The following CAPN14 variants were observed in gnomAD, a reference collection of about 807,000 sequenced individuals.
CAPN14 encodes the protein calpain 14, also known as calpain-14.
In CAPN14, 94 loss-of-function variants were observed where a neutral mutation model predicts 101.3. The observed-to-expected ratio is 0.93, with a 90% CI of 0.79 to 1.10. The LOEUF (loss-of-function observed/expected upper bound fraction) is 1.10, where lower values mean the gene tolerates loss of function less well. Among genes scored for constraint, CAPN14 ranks in the 50% least tolerant of loss-of-function variants. The probability of loss-of-function intolerance (pLI) is 0.00; values close to 1 mark genes in which losing one functional copy is unlikely to be tolerated. For missense variants in CAPN14, 837 were observed against 828.4 expected, an observed-to-expected ratio of 1.01 and a Z score of -0.13; for synonymous variants, 338 against 317.9, an observed-to-expected ratio of 1.06 and a Z score of -0.67.
intron 1 of CAPN14, chr2:31,233,763 A>C (rs569659832): frequency 6.6e-6 from 1 of 152,258 alleles, no homozygotes; most frequent in Non-Finnish European, 1.5e-5. Flanking sequence ...ATGCCAAAAA[A>C]AAAAAAAATC....
At chr2:31,182,674 T>G (rs1395460462) in intron 16 of CAPN14, among the ~76,000 whole-genome samples, 5 of 140,360 alleles carry the variant, frequency 3.6e-5, no homozygotes, top group Admixed American at 2.9e-4. Flanking sequence ...CACTGCTCAA[T>G]GAAATAAAAG....
At chr2:31,186,139 G>C (rs983760874) in intron 16 of CAPN14, among the ~76,000 whole-genome samples, 1 of 152,216 alleles carries the variant, frequency 6.6e-6, no homozygotes, top group African/African-American at 2.4e-5. Context: ...TGCCAAGAAA[G>C]AGGTACTCAG....
chr2:31,189,941 T>G (rs190020957), intron 12 of CAPN14, among the ~76,000 whole-genome samples: 2 of 152,184 alleles, frequency 1.3e-5, no homozygotes, highest in East Asian at 3.9e-4. Flanking sequence ...GCATGACTTA[T>G]GGACACAGAT....
chr2:31,203,594 C>T (rs934779586), intron 2 of CAPN14, among the ~76,000 whole-genome samples: 3 of 152,060 alleles, frequency 2.0e-5, no homozygotes, highest in Non-Finnish European at 2.9e-5. Context: ...GTCTCTGCTC[C>T]GTGGCAAGAT....
At chr2:31,220,756 G>C (rs1260146969), upstream of CAPN14, among the ~76,000 whole-genome samples, 1 of 152,174 alleles carries the variant, frequency 6.6e-6, no homozygotes, top group Non-Finnish European at 1.5e-5. Context: ...TTGAACCAGG[G>C]AGGCAGAGGT....
chr2:31,199,462 C>T lies in CAPN14; in HGVS notation c.789+8G>A. The T allele has an allele frequency of 6.4e-7, 1 of 1,551,380 alleles. No individual in the cohort carries two copies. The highest frequency in any genetic ancestry group is 8.7e-7 in the Non-Finnish European group (1 of 1,146,788). On this transcript the variant is annotated splice_region_variant and intron_variant, in intron 7 of 21. Transcript: ENST00000403897. ...GAGAGGGAAACCGAAGGGCCAACCT[C>T]AACCCACCTTCCTGATTCCTGTGAG... is the stretch of plus-strand genomic sequence containing the variant.
intron 2 of CAPN14, among the ~76,000 whole-genome samples, chr2:31,224,624 G>T (rs528426478): frequency 4.0e-5 from 6 of 151,814 alleles, no homozygotes; most frequent in Non-Finnish European, 5.9e-5. Flanking sequence ...AAAAGCACTG[G>T]TTGATAATCT....
At position 31,201,894 on chromosome 2, in the gene CAPN14, G is replaced by A. The variant is rs1572419284; in HGVS notation, c.519C>T (p.Phe173=). The A allele has an allele frequency of 6.4e-7, 1 of 1,551,734 alleles. No homozygotes were observed. Among genetic ancestry groups the A allele is most frequent in the Non-Finnish European group, 8.7e-7 (1 of 1,147,010 alleles). The part of the protein sequence containing the change: ...VFVSSTYKNL[F]WGALLEKAYA... ...AGGCCTTTTCCAGAAGTGCTCCCCA[G>A]AACAAGTTCTTATAGGTGGAGGAGA... The change falls in exon 5 of 22, where the codon TTC becomes TTT. Residue 173 remains phenylalanine, a synonymous_variant. Transcript: ENST00000403897.
At chr2:31,213,568 G>C (rs1031255478) in intron 1 of CAPN14, among the ~76,000 whole-genome samples, 7 of 152,348 alleles carry the variant, frequency 4.6e-5, no homozygotes, top group Admixed American at 2.6e-4. Context: ...AGGCACAGGG[G>C]TAAGCTCCAA....
intron 1 of CAPN14, among the ~76,000 whole-genome samples, chr2:31,228,618 T>C (rs1005635517): frequency 6.6e-6 from 1 of 152,226 alleles, no homozygotes; most frequent in Admixed American, 6.5e-5. Flanking sequence ...ATACTAAGCT[T>C]ATTCAATAGT....
chr2:31,227,036 G>C (rs573705467), intron 1 of CAPN14, among the ~76,000 whole-genome samples: 1 of 152,110 alleles, frequency 6.6e-6, no homozygotes, highest in Non-Finnish European at 1.5e-5. Context: ...AGATGCCCAC[G>C]CTCTGGAAAC....
At chr2:31,191,218 A>G (rs1681160219) in intron 12 of CAPN14, among the ~76,000 whole-genome samples, 181 bp downstream of exon 12, 1 of 152,152 alleles carries the variant, frequency 6.6e-6, no homozygotes, top group African/African-American at 2.4e-5. Flanking sequence ...GATAAAAAAG[A>G]TTAACAGATG....
intron 12 of CAPN14, among the ~76,000 whole-genome samples, chr2:31,190,074 A>C (rs1681100950): frequency 6.6e-6 from 1 of 152,004 alleles, no homozygotes; most frequent in Non-Finnish European, 1.5e-5. Context: ...GCAAGAGCTC[A>C]GAAGACCAAA....
rs1206528913 is a variant in CAPN14 at position 31,177,100 on chromosome 2, C to A, written c.1898G>T (p.Arg633Leu). ...SDDVCQLMLI[R>L]YGGPRLQMDF... is the part of the protein sequence containing the mutation. ...CATCTGGAGGCGGGGGCCGCCGTAG[C>A]GGATGAGCATCAGCTGACAGACGTC... The change falls in exon 20 of 22, where the codon CGC becomes CTC. Residue 633 changes from arginine (R) to leucine (L), a missense_variant. Transcript: ENST00000403897. The A allele has an allele frequency of 1.5e-5, 24 of 1,551,176 alleles. No homozygotes were observed. Among genetic ancestry groups the A allele is most frequent in the Non-Finnish European group, 2.0e-5 (23 of 1,146,728 alleles).
Position 31,205,229 on chromosome 2 carries a change from C to A in CAPN14, c.219G>T (p.Arg73Ser), listed in dbSNP as rs1193912188. The A allele has an allele frequency of 6.5e-7, 1 of 1,549,508 alleles. No homozygotes were observed. Among genetic ancestry groups the A allele is most frequent in the South Asian group, 1.2e-5 (1 of 83,952 alleles). Residue 73 changes from arginine to serine, a missense_variant, in exon 2 of 22, where the codon AGG (arginine) becomes AGT (serine). Physicochemically the swap from Arg to Ser is moderately radical, Grantham distance 110. Coordinates refer to ENST00000403897, the MANE Select transcript of CAPN14 (RefSeq NM_001145122.2). ...QKLPPRLQWK[R>S]PPELHSNPQF... ...CTGACACATTTTGCCTCACCGGGGG[C>A]CTCTTCCACTGCAGGCGGGGTGGCA...
intron 1 of CAPN14, among the ~76,000 whole-genome samples, chr2:31,229,739 T>C (rs1683133082): frequency 2.0e-5 from 3 of 150,088 alleles, no homozygotes; most frequent in Non-Finnish European, 3.0e-5. Flanking sequence ...ATATAGTATA[T>C]AGCTGAAGCT....
intron 9 of CAPN14, 132 bp downstream of exon 9, chr2:31,194,277 T>C: frequency 1.5e-6 from 1 of 670,532 alleles, no homozygotes; most frequent in South Asian, 1.7e-5. Flanking sequence ...GACCGTGAGC[T>C]CCTAAAGGGA....
rs1387006539 is a variant in CAPN14, at chr2:31,228,987, G to C, written c.-176-2336C>G. On this transcript the variant is annotated intron_variant and NMD_transcript_variant, in intron 1 of 21. Coordinates refer to the CAPN14 transcript ENST00000398824. ...GGTGGGAGAGGGCCCTGTGGAGCCA[G>C]ATGGGGCTGAAAACAAATGTTGAAT... Among the ~76,000 whole-genome samples, 6 of 152,236 alleles carry C rather than the reference G, an allele frequency of 3.9e-5. No individual in the cohort carries two copies. The East Asian group carries it at 1.2e-3, about 29-fold the overall frequency.
intron 1 of CAPN14, among the ~76,000 whole-genome samples, chr2:31,207,451 T>C (rs554571335): frequency 1.3e-5 from 2 of 152,318 alleles, no homozygotes; most frequent in South Asian, 4.1e-4. Flanking sequence ...TTTTAAAAGA[T>C]ACATAAAGTC....
Sources: gnomAD v4.1 joint callset for allele counts (sites outside exome capture counted in the v4.1 genomes callset) on GRCh38, gnomAD v4.1.1 for gene constraint, MANE v1.5 for transcripts, NCBI Gene and HGNC (gene_info 2026-07-23, HGNC 2026-07-21) for gene names.